Variants in DAZAP1 observed in about 807,000 individuals in gnomAD.
The protein encoded by DAZAP1 is DAZ-associated protein 1.
In DAZAP1, 6 loss-of-function variants were observed where a neutral mutation model predicts 60.1. The observed-to-expected ratio is 0.10, with a 90% CI of 0.05 to 0.20. The LOEUF is 0.20. Among genes scored for constraint, DAZAP1 ranks in the 10% least tolerant of loss-of-function variants. The pLI is 1.00. For synonymous variants in DAZAP1, 235 were observed against 215.9 expected, an observed-to-expected ratio of 1.09 and a Z score of -0.78; for missense variants, 366 against 560.4, an observed-to-expected ratio of 0.65 and a Z score of 3.50.
At position 1,425,751 on chromosome 19, in the gene DAZAP1, G is replaced by A. The variant is rs761050988; in HGVS notation, c.464-127G>A. ...AGGGAGGCAGCTGCCCCAGGGGCCCGCAGCGCCCCACACACAGCTTAGCTG... is the reference window on the plus strand; with the variant it reads ...AGGGAGGCAGCTGCCCCAGGGGCCCACAGCGCCCCACACACAGCTTAGCTG... On this transcript the variant is annotated intron_variant, in intron 6 of 11. Coordinates refer to ENST00000233078, the MANE Select transcript of DAZAP1 (RefSeq NM_018959.4). The surrounding 1 kb of genome is among the most constrained non-coding windows in gnomAD (Gnocchi z 5.4). 4.6e-5 allele frequency: 33 copies of A among 711,686 alleles called. No individual in the cohort carries two copies. The highest frequency in any genetic ancestry group is 1.3e-4 in the East Asian group (5 of 38,146). The allele number at this position is 711,686 out of a possible 1,614,324, so 44.1% of individuals were successfully genotyped here. A position where few individuals can be genotyped will look rare whatever the true frequency, so the allele number is the denominator to read the frequency against.
At position 1,434,863 on chromosome 19, in the gene DAZAP1, G is replaced by C. The variant is rs773570832; in HGVS notation, c.1175G>C (p.Gly392Ala). The C allele has an allele frequency of 1.4e-5, 23 of 1,599,782 alleles. No homozygotes were observed. The South Asian group carries it at 1.8e-4, about 12-fold the overall frequency. Residue 392 changes from glycine to alanine, a missense_variant, in exon 12 of 12, where the codon GGA (glycine) becomes GCA (alanine). This residue lies in a region of DAZAP1 where 240 missense variants were observed against 308.8 expected (regional missense o/e 0.78). Coordinates refer to ENST00000233078, the MANE Select transcript of DAZAP1 (RefSeq NM_018959.4). This position sits in a 1 kb window ranked among gnomAD's most constrained non-coding sequence, Gnocchi z 8.0. Reference sequence around the variant, plus strand: ...CCCCCCGCCGGCGGCAGCGGCTTTGGACGAGGGCAGAACCACAACGTGCAA... The same window carrying C: ...CCCCCCGCCGGCGGCAGCGGCTTTGCACGAGGGCAGAACCACAACGTGCAA... Reference protein sequence around the residue: ...GGPPAGGSGFGRGQNHNVQGF... With the variant: ...GGPPAGGSGFARGQNHNVQGF...
chr19:1,429,713 C>T (rs915843449), intron 8 of DAZAP1, among the ~76,000 whole-genome samples: 1 of 152,228 alleles, frequency 6.6e-6, no homozygotes, highest in South Asian at 2.1e-4. Context: ...GTCACCCGTG[C>T]CCCAGTCAGC....
At position 1,430,550 on chromosome 19, in the gene DAZAP1, G is replaced by T. The variant is rs1273272983; in HGVS notation, c.871+188G>T. ...GGGCTCCATCGCCTGTGGCCTCGCT[G>T]GTTAGGCTAAAGGGCAGCCCGGGCT... On this transcript the variant is annotated intron_variant, in intron 10 of 11. Transcript: ENST00000233078. Among the ~76,000 whole-genome samples, 4 of 152,194 alleles carry T rather than the reference G, an allele frequency of 2.6e-5. No individual in the cohort carries two copies. In the East Asian group the frequency reaches 7.7e-4, roughly 29 times the overall value.
At position 1,433,499 on chromosome 19, in the gene DAZAP1, T is replaced by C; in HGVS notation, c.1048+809T>C. Reference sequence around the variant, plus strand: ...CTGGTGGAGGCCGGGGTGTGGGAGCTGTGTTCGGCCGAGGTGCCCGCCCAC... The same window carrying C: ...CTGGTGGAGGCCGGGGTGTGGGAGCCGTGTTCGGCCGAGGTGCCCGCCCAC... On this transcript the variant is annotated intron_variant, in intron 11 of 11. Coordinates refer to ENST00000233078, the MANE Select transcript of DAZAP1 (RefSeq NM_018959.4). The surrounding 1 kb of genome is among the most constrained non-coding windows in gnomAD (Gnocchi z 6.1). 1 of 548,156 alleles carries C rather than the reference T, an allele frequency of 1.8e-6. No individual in the cohort carries two copies. 34.0% of individuals were successfully genotyped at this position (548,156 alleles called of 1,614,324 possible).
chr19:1,412,187 C>T (rs1319006681), intron 1 of DAZAP1, among the ~76,000 whole-genome samples: 1 of 152,140 alleles, frequency 6.6e-6, no homozygotes, highest in Non-Finnish European at 1.5e-5. Context: ...TTCTGTGGAC[C>T]CCACACCCTG....
Position 1,433,101 on chromosome 19 carries a change from T to C in DAZAP1, c.1048+411T>C. Reference sequence around the variant, plus strand: ...CCTCCTGCTGGGTCCAGACCCCGCTTGGGGCAGAAGCTGGGTCTGTAGTAG... The same window carrying C: ...CCTCCTGCTGGGTCCAGACCCCGCTCGGGGCAGAAGCTGGGTCTGTAGTAG... On this transcript the variant is annotated intron_variant, in intron 11 of 11. Transcript: ENST00000233078. The surrounding 1 kb of genome is among the most constrained non-coding windows in gnomAD (Gnocchi z 6.1). 5.0e-6 allele frequency: 1 copy of C among 200,418 alleles called. No homozygotes were observed. The highest frequency in any genetic ancestry group is 1.0e-5 in the Non-Finnish European group (1 of 97,574). 12.4% of individuals were successfully genotyped at this position (200,418 alleles called of 1,614,324 possible). A position where few individuals can be genotyped will look rare whatever the true frequency, so the allele number is the denominator to read the frequency against.
chr19:1,411,516 C>G (rs2082830852), intron 1 of DAZAP1, among the ~76,000 whole-genome samples: 1 of 152,174 alleles, frequency 6.6e-6, no homozygotes, highest in Non-Finnish European at 1.5e-5. Flanking sequence ...GTGAATGGGC[C>G]TTGAGGGTGG....
intron 8 of DAZAP1, among the ~76,000 whole-genome samples, chr19:1,429,522 G>T (rs1330409700): frequency 6.6e-6 from 1 of 152,198 alleles, no homozygotes; most frequent in Non-Finnish European, 1.5e-5. Context: ...CGAGTTGTGG[G>T]TCAGGGTTCC....
rs779554425 is a variant in DAZAP1 at position 1,418,160 on chromosome 19, C to A, written c.71-44C>A. On this transcript the variant is annotated intron_variant, in intron 2 of 11. Coordinates refer to ENST00000233078, the MANE Select transcript of DAZAP1 (RefSeq NM_018959.4). The surrounding 1 kb of genome is among the most constrained non-coding windows in gnomAD (Gnocchi z 5.7). The stretch of plus-strand genomic sequence containing the variant: ...AGCACTGCCAGGCACGTGCCTAATG[C>A]TCTGGCCCTGTGTGTTTGTGTTTTC... 2 of 1,608,028 alleles carry A rather than the reference C, an allele frequency of 1.2e-6. No homozygotes were observed. The highest frequency in any genetic ancestry group is 2.7e-5 in the African/African-American group (2 of 74,812).
chr19:1,427,303 TCCCTGGGCAGC>T (rs1367042826), intron 7 of DAZAP1: 1 of 152,316 alleles, frequency 6.6e-6, no homozygotes, highest in Non-Finnish European at 1.5e-5. Flanking sequence ...CCTGCTGCCG[TCCCTGGGCAGC>T]CCCTGGGTCC....
chr19:1,412,168 G>A (rs1189885930), intron 1 of DAZAP1, among the ~76,000 whole-genome samples: 2 of 152,160 alleles, frequency 1.3e-5, no homozygotes, highest in Non-Finnish European at 2.9e-5. Flanking sequence ...TTCACGGACC[G>A]CTCCTGTGTT....
chr19:1,428,769 C>T lies in DAZAP1; in HGVS notation c.547-73C>T, dbSNP rs1234320083. On this transcript the variant is annotated intron_variant, in intron 7 of 11. Coordinates refer to ENST00000233078, the MANE Select transcript of DAZAP1 (RefSeq NM_018959.4). This position sits in a 1 kb window ranked among gnomAD's most constrained non-coding sequence, Gnocchi z 4.0. Reference sequence around the variant, plus strand: ...ATGCTAAGTGTAGTCATAAGTTACCCGAGGGTGTGTCTAAAGGGAAGGGGG... The same window carrying T: ...ATGCTAAGTGTAGTCATAAGTTACCTGAGGGTGTGTCTAAAGGGAAGGGGG... 21 of 1,571,728 alleles carry T rather than the reference C, an allele frequency of 1.3e-5. No homozygotes were observed. The highest frequency in any genetic ancestry group is 1.7e-4 in the Middle Eastern group (1 of 5,930).
At chr19:1,419,066 C>T (rs1389845594) in intron 4 of DAZAP1, among the ~76,000 whole-genome samples, 2 of 148,290 alleles carry the variant, frequency 1.3e-5, no homozygotes, top group African/African-American at 5.0e-5. Context: ...GTGGGCCATC[C>T]TTCCACTGCC....
rs1412148990 is a variant in DAZAP1, at chr19:1,432,938, G to A, written c.1048+248G>A. 4 of 513,912 alleles carry A rather than the reference G, an allele frequency of 7.8e-6. No homozygotes were observed. The highest frequency in any genetic ancestry group is 6.7e-5 in the East Asian group (2 of 29,792). 31.8% of individuals were successfully genotyped at this position (513,912 alleles called of 1,614,324 possible). A position where few individuals can be genotyped will look rare whatever the true frequency, so the allele number is the denominator to read the frequency against. ...ACAGCAGGTGCTGCAGGGCCTGCATGTGTGGGAACCTGAGTGGCGACTGGG... is the reference window on the plus strand; with the variant it reads ...ACAGCAGGTGCTGCAGGGCCTGCATATGTGGGAACCTGAGTGGCGACTGGG... On this transcript the variant is annotated intron_variant, in intron 11 of 11. Coordinates refer to ENST00000233078, the MANE Select transcript of DAZAP1 (RefSeq NM_018959.4). This position sits in a 1 kb window ranked among gnomAD's most constrained non-coding sequence, Gnocchi z 4.9.
At chr19:1,429,458 G>A (rs145386022) in intron 8 of DAZAP1, among the ~76,000 whole-genome samples, 1,631 of 152,316 alleles carry the variant, frequency 0.011, 43 homozygotes, top group Non-Finnish European at 0.01. Flanking sequence ...GTTGTGGGCC[G>A]TCCTTGGAGC....
intron 1 of DAZAP1, 80 bp downstream of exon 1, chr19:1,407,882 C>G: frequency 9.8e-7 from 1 of 1,023,736 alleles, no homozygotes; most frequent in Non-Finnish European, 1.2e-6. Context: ...CAGACGCCGC[C>G]CCCCGGGGCC....
chr19:1,429,332 G>T (rs1386366541), intron 8 of DAZAP1, among the ~76,000 whole-genome samples: 1 of 152,264 alleles, frequency 6.6e-6, no homozygotes, highest in African/African-American at 2.4e-5. Context: ...GCATTGCCAA[G>T]CTGAGCTCAG....
rs1412220747 is a variant in DAZAP1, at chr19:1,421,143, A to G, written c.304-5A>G. 1 of 1,613,224 alleles carries G rather than the reference A, an allele frequency of 6.2e-7. No homozygotes were observed. The highest frequency in any genetic ancestry group is 1.1e-5 in the South Asian group (1 of 91,076). On this transcript the variant is annotated splice_region_variant and splice_polypyrimidine_tract_variant and intron_variant, in intron 4 of 11. Coordinates refer to ENST00000233078, the MANE Select transcript of DAZAP1 (RefSeq NM_018959.4). ...TGAACTAACTATCCTTCCCTTCTTC[A>G]ACAGCAGAAAGGACCCAGGAGCGAT...
Position 1,417,556 on chromosome 19 carries a change from G to C in DAZAP1, c.70+16G>C. ...ACGACCCAAGGTAGGTGGGGAAGGG[G>C]TGTCAGGTGGGTACTGCAGATGGGC... On this transcript the variant is annotated intron_variant, in intron 2 of 11. Coordinates refer to ENST00000233078, the MANE Select transcript of DAZAP1 (RefSeq NM_018959.4). The C allele has an allele frequency of 6.2e-7, 1 of 1,601,008 alleles. No homozygotes were observed. Among genetic ancestry groups the C allele is most frequent in the Non-Finnish European group, 8.5e-7 (1 of 1,174,064 alleles).
Sources: gnomAD v4.1 joint callset for allele counts (sites outside exome capture counted in the v4.1 genomes callset) on GRCh38, gnomAD v4.1.1 for gene constraint, gnomAD v4.1.1 regional missense constraint, Gnocchi (gnomAD v3.1) non-coding constraint, MANE v1.5 for transcripts, NCBI Gene and HGNC (gene_info 2026-07-23, HGNC 2026-07-21) for gene names.